The following DOK7 variants were observed in gnomAD, a reference collection of about 807,000 sequenced individuals.
DOK7 encodes the protein protein Dok-7.
Under a neutral mutation model 30.7 loss-of-function variants are expected in DOK7, and 32 were observed. The observed-to-expected ratio is 1.04, with a 90% confidence interval of 0.79 to 1.40. DOK7 has a LOEUF of 1.40. Ranked by LOEUF, DOK7 falls within the 40% of genes most tolerant of loss-of-function variation. DOK7 has a pLI of 0.00. For missense variants in DOK7, 1,007 were observed against 699.2 expected (o/e 1.44, Z -4.97); for synonymous variants, 447 against 324.1 (o/e 1.38, Z -4.07).
chr4:3,473,684 G>C, intron 3 of DOK7, 48 bp downstream of exon 3: 1 of 1,493,912 alleles, frequency 6.7e-7, no homozygotes, highest in Non-Finnish European at 9.0e-7. Context: ...GTTCAGGTGT[G>C]CCGGGGCCCC....
Position 3,476,515 on chromosome 4 carries a change from T to A in DOK7, c.505T>A (p.Phe169Ile). Residue 169 changes from phenylalanine to isoleucine, a missense_variant, in exon 4 of 7, where the codon TTT becomes ATT. Physicochemically the swap from Phe to Ile is conservative, Grantham distance 21 (BLOSUM62 0). Transcript: ENST00000340083. ...CGGGGCCGTGCCAAGCGGATTCATC[T>A]TTGAAGGCGGGACCAGGTGTGGGTA... ...RYGAVPSGFI[F>I]EGGTRCGYWA... is the part of the protein sequence containing the mutation. The A allele has an allele frequency of 5.0e-6, 8 of 1,613,930 alleles. No individual in the cohort carries two copies. The highest frequency in any genetic ancestry group is 6.8e-6 in the Non-Finnish European group (8 of 1,180,034).
Position 3,487,621 on chromosome 4 carries a change from C to T in DOK7, c.652+1963C>T, listed in dbSNP as rs188253299. Reference sequence around the variant, plus strand: ...GTGCATGTTACCTTCTTGGCCTGGCCTCCACGGGGGTGCACCGTTGCTGCA... The same window carrying T: ...GTGCATGTTACCTTCTTGGCCTGGCTTCCACGGGGGTGCACCGTTGCTGCA... On this transcript the variant is annotated intron_variant, in intron 5 of 6. Transcript: ENST00000340083. Among the ~76,000 whole-genome samples the T allele has an allele frequency of 3.6e-3, 543 of 152,302 alleles. 6 individuals carry two copies. Among genetic ancestry groups the T allele is most frequent in the African/African-American group, 0.012 (514 of 41,556 alleles).
downstream of DOK7, among the ~76,000 whole-genome samples, chr4:3,495,550 C>T (rs545828754): frequency 3.2e-4 from 49 of 152,364 alleles, no homozygotes; most frequent in African/African-American, 8.7e-4. Context: ...GGCCTCGCTC[C>T]GGGCGTCTGA....
intron 5 of DOK7, among the ~76,000 whole-genome samples, chr4:3,488,421 G>T (rs912538754): frequency 6.6e-6 from 1 of 152,234 alleles, no homozygotes; most frequent in Non-Finnish European, 1.5e-5. Flanking sequence ...CAGGGACAGG[G>T]CCTCTTCAGC....
chr4:3,483,735 G>C lies in DOK7; in HGVS notation c.533-1804G>C, dbSNP rs71608282. Among the ~76,000 whole-genome samples the C allele has an allele frequency of 2.6e-3, 396 of 152,350 alleles. 3 individuals carry two copies. Among genetic ancestry groups the C allele is most frequent in the African/African-American group, 8.7e-3 (363 of 41,578 alleles). On this transcript the variant is annotated intron_variant, in intron 4 of 6. Transcript: ENST00000340083. ...TCAGGATTAGAGAGCCTGGCCTTTCGTGAGAGCTGGGGCTGTGCCGGCTGA... is the reference window on the plus strand; with the variant it reads ...TCAGGATTAGAGAGCCTGGCCTTTCCTGAGAGCTGGGGCTGTGCCGGCTGA...
intron 2 of DOK7, among the ~76,000 whole-genome samples, chr4:3,470,237 C>T (rs1332711256): frequency 6.6e-6 from 1 of 152,256 alleles, no homozygotes; most frequent in Non-Finnish European, 1.5e-5. Flanking sequence ...CTCCTGTTCT[C>T]CCCCTTACAA....
rs1368610809 is a variant in DOK7 at position 3,494,454 on chromosome 4, T to C, written c.*953T>C. Reference sequence around the variant, plus strand: ...TTCTAAACCCAGACACTGTTTGTAATAGACTGGAAATAAAATGTTCTTTCC... The same window carrying C: ...TTCTAAACCCAGACACTGTTTGTAACAGACTGGAAATAAAATGTTCTTTCC... On this transcript the variant is annotated 3_prime_UTR_variant, in exon 7 of 7. Coordinates refer to ENST00000340083, the MANE Select transcript of DOK7 (RefSeq NM_173660.5). The C allele has an allele frequency of 4.0e-5, 39 of 985,334 alleles. No homozygotes were observed. Among genetic ancestry groups the C allele is most frequent in the South Asian group, 4.7e-5 (1 of 21,300 alleles). 61.0% of individuals were successfully genotyped at this position (985,334 alleles called of 1,614,324 possible). A position where few individuals can be genotyped will look rare whatever the true frequency, so the allele number is the denominator to read the frequency against.
At chr4:3,499,204 G>C (rs1198398003), downstream of DOK7, among the ~76,000 whole-genome samples, 1 of 152,216 alleles carries the variant, frequency 6.6e-6, no homozygotes. Flanking sequence ...AGGTGTTTCA[G>C]GGAGGCCGAC....
At chr4:3,490,396 G>GTCCAT (rs1728215561) in intron 6 of DOK7, among the ~76,000 whole-genome samples, 1 of 44,346 alleles carries the variant, frequency 2.3e-5, no homozygotes, top group South Asian at 1.6e-3. Context: ...TGCTCATTCA[G>GTCCAT]TCCTTCTTTC....
chr4:3,492,925 T>A lies in DOK7; in HGVS notation c.939T>A (p.Gly313=). Residue 313 remains glycine (G), a synonymous_variant, in exon 7 of 7, where the codon GGT becomes GGA. Coordinates refer to ENST00000340083, the MANE Select transcript of DOK7 (RefSeq NM_173660.5). The part of the protein sequence containing the change: ...AAQAAGEAMV[G]ASRPPPKPLR... The stretch of plus-strand genomic sequence containing the variant: ...AGGCCGCCGGGGAAGCCATGGTGGG[T>A]GCCTCAAGGCCACCCCCCAAGCCGC... 6.4e-7 allele frequency: 1 copy of A among 1,562,654 alleles called. No homozygotes were observed. The highest frequency in any genetic ancestry group is 1.2e-5 in the South Asian group (1 of 86,068).
At position 3,469,141 on chromosome 4, in the gene DOK7, A is replaced by G. The variant is rs545241712; in HGVS notation, c.101-4265A>G. Among the ~76,000 whole-genome samples the G allele has an allele frequency of 4.1e-3, 559 of 136,250 alleles. 4 individuals are homozygous for G. The highest frequency in any genetic ancestry group is 0.015 in the Middle Eastern group (3 of 196). The allele number at this position is 136,250 out of a possible 152,430, so 89.4% of individuals were successfully genotyped here. The stretch of plus-strand genomic sequence containing the variant: ...GTGCACACATTGTGTGTGTGCGTGT[A>G]TGTGTCTGTGTATGAGTGTGCATGT... On this transcript the variant is annotated intron_variant, in intron 2 of 6. Transcript: ENST00000340083.
chr4:3,489,662 T>C lies in DOK7; in HGVS notation c.653-15T>C. ...TGGTGGCCACCTCCTCCACCGAGTCTTCTCTCTGCCACAGACCCAAGTCCC... is the reference window on the plus strand; with the variant it reads ...TGGTGGCCACCTCCTCCACCGAGTCCTCTCTCTGCCACAGACCCAAGTCCC... On this transcript the variant is annotated splice_polypyrimidine_tract_variant and intron_variant, in intron 5 of 6. Transcript: ENST00000340083. 1 of 1,563,960 alleles carries C rather than the reference T, an allele frequency of 6.4e-7. No individual in the cohort carries two copies. The highest frequency in any genetic ancestry group is 2.4e-5 in the East Asian group (1 of 41,844).
chr4:3,477,425 G>A (rs1038674624), intron 4 of DOK7, among the ~76,000 whole-genome samples: 1 of 152,250 alleles, frequency 6.6e-6, no homozygotes, highest in Non-Finnish European at 1.5e-5. Context: ...TGGAGGAAAC[G>A]CAGGCAAGGA....
chr4:3,488,803 CAG>C (rs879332559), intron 5 of DOK7, among the ~76,000 whole-genome samples: 11,260 of 146,484 alleles, frequency 0.077, 587 homozygotes, highest in Non-Finnish European at 0.11. Context: ...GCTTCCCTGC[CAG>C]GGAAACTCTT....
At chr4:3,483,345 C>T (rs1337255632) in intron 4 of DOK7, among the ~76,000 whole-genome samples, 3 of 115,706 alleles carry the variant, frequency 2.6e-5, no homozygotes, top group South Asian at 2.7e-4. Context: ...TGGGTGGGAG[C>T]GGGGGTGGAG....
chr4:3,463,558 GGGGC>G lies in DOK7; in HGVS notation c.100+15_100+18del. ...AAGCCGTCGCCCGTGGCAGGTGAGC[GGGGC>G]GGGCGGGGGACGGGGGGCGCGGGGG... On this transcript the variant is annotated splice_region_variant and intron_variant, in intron 2 of 6. Transcript: ENST00000340083. 6.6e-7 allele frequency: 1 copy of G among 1,517,212 alleles called. No homozygotes were observed. The highest frequency in any genetic ancestry group is 8.8e-7 in the Non-Finnish European group (1 of 1,135,554). The allele number at this position is 1,517,212 out of a possible 1,614,324, so 94.0% of individuals were successfully genotyped here.
chr4:3,496,401 C>T (rs1352812392), downstream of DOK7, among the ~76,000 whole-genome samples: 1 of 152,270 alleles, frequency 6.6e-6, no homozygotes, highest in Non-Finnish European at 1.5e-5. Context: ...AAGGAAATCA[C>T]AGGCACCCTC....
downstream of DOK7, among the ~76,000 whole-genome samples, chr4:3,495,296 T>C (rs912587956): frequency 1.3e-5 from 2 of 151,894 alleles, no homozygotes; most frequent in African/African-American, 4.9e-5. Flanking sequence ...TGTGGCTCCT[T>C]TGCTGGGGAG....
chr4:3,498,161 G>A (rs538117817), downstream of DOK7, among the ~76,000 whole-genome samples: 2 of 152,286 alleles, frequency 1.3e-5, no homozygotes, highest in East Asian at 1.9e-4. Context: ...AGGGCCAGCC[G>A]ATTCCCGGTT....
Sources: allele counts gnomAD v4.1 joint callset (sites outside exome capture counted in the v4.1 genomes callset), GRCh38; gene constraint gnomAD v4.1.1; transcripts MANE v1.5; gene names NCBI Gene and HGNC (gene_info 2026-07-23, HGNC 2026-07-21).